CDH13: variants seen among roughly 807,000 people sequenced by gnomAD.
CDH13 encodes the protein cadherin-13.
In CDH13, 24 loss-of-function variants were observed where a neutral mutation model predicts 63.8. The observed-to-expected ratio is 0.38, with a 90% CI of 0.27 to 0.53. CDH13 has a LOEUF of 0.53. Ranked by LOEUF, CDH13 falls within the 20% of genes least tolerant of loss-of-function variation. The pLI, the probability that CDH13 is intolerant of heterozygous loss-of-function variation, is 0.85. For synonymous variants in CDH13, 503 were observed against 355.3 expected, an observed-to-expected ratio of 1.42 and a Z score of -4.67; for missense variants, 1,049 against 903.1, an observed-to-expected ratio of 1.16 and a Z score of -2.07.
chr16:82,738,486 G>T (rs1567483906), intron 1 of CDH13, among the ~76,000 whole-genome samples: 1 of 152,126 alleles, frequency 6.6e-6, no homozygotes, highest in African/African-American at 2.4e-5. Flanking sequence ...TCACCTTTCT[G>T]CCCTAAAACG....
chr16:82,677,653 G>A (rs941059608), intron 1 of CDH13, among the ~76,000 whole-genome samples: 5 of 152,038 alleles, frequency 3.3e-5, no homozygotes, highest in East Asian at 1.9e-4. Context: ...ACTCTGACCC[G>A]GGTCTCCAGA....
intron 2 of CDH13, among the ~76,000 whole-genome samples, chr16:82,887,670 A>C (rs1273083326): frequency 6.6e-6 from 1 of 152,092 alleles, no homozygotes; most frequent in Non-Finnish European, 1.5e-5. Context: ...AAAATACAAA[A>C]ATTAGCTGGG....
At chr16:83,188,565 G>A (rs1023247819) in intron 4 of CDH13, among the ~76,000 whole-genome samples, 1 of 152,138 alleles carries the variant, frequency 6.6e-6, no homozygotes, top group Non-Finnish European at 1.5e-5. Flanking sequence ...AAAGCCCCAT[G>A]CCAGGCGTTG....
chr16:83,750,976 TAA>T (rs11297972), intron 11 of CDH13, among the ~76,000 whole-genome samples: 35,673 of 147,928 alleles, frequency 0.24, 4,822 homozygotes, highest in Non-Finnish European at 0.32. Flanking sequence ...CTTAACTATT[TAA>T]AAAAAAAAAA....
chr16:82,839,449 CA>C (rs2038914041), intron 1 of CDH13, among the ~76,000 whole-genome samples: 1 of 152,202 alleles, frequency 6.6e-6, no homozygotes, highest in Non-Finnish European at 1.5e-5. Context: ...AGATACCTGG[CA>C]GTGCAGGGTT....
chr16:83,695,221 G>T (rs1224140321), intron 10 of CDH13, among the ~76,000 whole-genome samples: 1 of 152,046 alleles, frequency 6.6e-6, no homozygotes, highest in Non-Finnish European at 1.5e-5. Context: ...AAAAATTATT[G>T]CAAAAATTCA....
At chr16:83,319,386 A>G (rs1186522816) in intron 5 of CDH13, among the ~76,000 whole-genome samples, 1 of 152,216 alleles carries the variant, frequency 6.6e-6, no homozygotes, top group South Asian at 2.1e-4. Context: ...GCAGACACCT[A>G]GATGTCATCA....
chr16:83,438,784 TTTTGTACG>T (rs747649435), intron 6 of CDH13, among the ~76,000 whole-genome samples: 1 of 152,236 alleles, frequency 6.6e-6, no homozygotes, highest in Non-Finnish European at 1.5e-5. Context: ...GTTGAACATA[TTTTGTACG>T]TTTGAGACTG....
intron 6 of CDH13, among the ~76,000 whole-genome samples, chr16:83,408,179 G>A (rs1385131407): frequency 6.6e-6 from 1 of 152,166 alleles, no homozygotes; most frequent in Non-Finnish European, 1.5e-5. Context: ...GACTATGACT[G>A]TATCACTCTG....
chr16:82,783,021 C>T (rs1337976647), intron 1 of CDH13, among the ~76,000 whole-genome samples: 2 of 152,218 alleles, frequency 1.3e-5, no homozygotes, highest in South Asian at 2.1e-4. Context: ...CTGGGACCCA[C>T]AGCGTCTCCT....
At chr16:82,909,684 G>GA (rs2041766893) in intron 2 of CDH13, among the ~76,000 whole-genome samples, 1 of 152,046 alleles carries the variant, frequency 6.6e-6, no homozygotes, top group Non-Finnish European at 1.5e-5. Flanking sequence ...GAGATGAGGG[G>GA]AACAGCATGA....
At chr16:82,872,867 C>G (rs1781824752) in intron 2 of CDH13, among the ~76,000 whole-genome samples, 1 of 152,164 alleles carries the variant, frequency 6.6e-6, no homozygotes, top group Admixed American at 6.5e-5. Context: ...AGACCCTGTG[C>G]TAAGTATAAG....
rs564315154 is a variant in CDH13, at chr16:83,471,972, C to T, written c.782-14505C>T. On this transcript the variant is annotated intron_variant, in intron 6 of 13. Coordinates refer to ENST00000567109, the MANE Select transcript of CDH13 (RefSeq NM_001257.5). ...TGGTTTTAAAAAATATCATTTCACA[C>T]TAACCTTGCTTTCATTGAAGACTTC... Among the ~76,000 whole-genome samples, 62 of 152,308 alleles carry T rather than the reference C, an allele frequency of 4.1e-4. No homozygotes were observed. In the South Asian group the frequency reaches 7.7e-3, roughly 19 times the overall value.
At chr16:83,517,084 T>A (rs988917645) in intron 7 of CDH13, among the ~76,000 whole-genome samples, 1 of 152,158 alleles carries the variant, frequency 6.6e-6, no homozygotes, top group African/African-American at 2.4e-5. Context: ...CAAAGGGAAA[T>A]ATGAAGTGAA....
At chr16:82,766,200 G>A (rs180792954) in intron 1 of CDH13, among the ~76,000 whole-genome samples, 2 of 152,114 alleles carry the variant, frequency 1.3e-5, no homozygotes, top group African/African-American at 2.4e-5. Context: ...AGTCTTATTC[G>A]TGAGATGTCT....
intron 2 of CDH13, among the ~76,000 whole-genome samples, chr16:82,893,775 C>G (rs1300599349): frequency 6.6e-6 from 1 of 152,158 alleles, no homozygotes; most frequent in African/African-American, 2.4e-5. Flanking sequence ...AGAACCTCCT[C>G]TGGACCTCAG....
At chr16:83,215,842 T>C (rs529614079) in intron 4 of CDH13, among the ~76,000 whole-genome samples, 1 of 152,296 alleles carries the variant, frequency 6.6e-6, no homozygotes, top group African/African-American at 2.4e-5. Context: ...TCATGACCTT[T>C]CAATTGTTTT....
At chr16:82,903,252 G>A (rs141085598) in intron 2 of CDH13, among the ~76,000 whole-genome samples, 15 of 152,322 alleles carry the variant, frequency 9.8e-5, no homozygotes, top group African/African-American at 3.6e-4. Flanking sequence ...ATTTGGCCCA[G>A]CACCTTGGTT....
intron 6 of CDH13, among the ~76,000 whole-genome samples, chr16:83,461,109 G>A (rs779498861): frequency 1.3e-5 from 2 of 151,994 alleles, no homozygotes; most frequent in African/African-American, 4.8e-5. Context: ...CAGTGGTATC[G>A]TAATGTGATA....
Sources: allele counts gnomAD v4.1 joint callset (sites outside exome capture counted in the v4.1 genomes callset), GRCh38; gene constraint gnomAD v4.1.1; transcripts MANE v1.5; gene names NCBI Gene and HGNC (gene_info 2026-07-23, HGNC 2026-07-21).